Variants in TRIM77 observed in about 807,000 individuals in gnomAD.
TRIM77 encodes tripartite motif-containing protein 77.
A neutral mutation model predicts 31.8 loss-of-function variants in TRIM77; 23 were observed. That is an observed-to-expected ratio of 0.72 (90% confidence interval 0.52 to 1.02). The LOEUF (loss-of-function observed/expected upper bound fraction) is 1.02. TRIM77 is among the 50% of genes least tolerant of loss of function. TRIM77 has a pLI of 0.00. For missense variants in TRIM77, 446 were observed against 539.2 expected (o/e 0.83, Z 1.71); for synonymous variants, 159 against 183.1 (o/e 0.87, Z 1.06).
At chr11:89,714,525 A>G in intron 3 of TRIM77, 103 bp downstream of exon 3, 1 of 845,860 alleles carries the variant, frequency 1.2e-6, no homozygotes, top group Non-Finnish European at 1.8e-6. Flanking sequence ...TCCGGTTCCA[A>G]ATATTCAGAT....
intron 4 of TRIM77, 49 bp downstream of exon 4, chr11:89,715,229 GCTGTTTCTGCTGGGATCGA>G: frequency 6.6e-7 from 1 of 1,516,762 alleles, no homozygotes; most frequent in South Asian, 1.2e-5. Context: ...CAATAATCAG[GCTGTTTCTGCTGGGATCGA>G]CCCACACTTT....
At chr11:89,714,499 T>C in intron 3 of TRIM77, 77 bp downstream of exon 3, 1 of 1,014,938 alleles carries the variant, frequency 9.9e-7, no homozygotes, top group Non-Finnish European at 1.4e-6. Flanking sequence ...ATATCCTTTT[T>C]GATCTATATT....
At chr11:89,712,384 A>C (rs1476680248) in intron 2 of TRIM77, among the ~76,000 whole-genome samples, 2 of 152,180 alleles carry the variant, frequency 1.3e-5, no homozygotes, top group Non-Finnish European at 2.9e-5. Context: ...AAAAGAAGAA[A>C]TAGATCGCTT....
rs1239209077 is a variant in TRIM77 at position 89,710,973 on chromosome 11, G to A, written c.411+264G>A. On this transcript the variant is annotated intron_variant, in intron 1 of 5. Transcript: ENST00000398290. ...AAAGTTGATGAGCATTAGGGTTCTG[G>A]TATTTCAGTGTAAGAAGCTCTATAT... Among the ~76,000 whole-genome samples the A allele has an allele frequency of 2.0e-5, 3 of 152,186 alleles. No homozygotes were observed. The South Asian group carries it at 6.2e-4, about 32-fold the overall frequency.
At chr11:89,711,307 T>A (rs1045184014) in intron 1 of TRIM77, 103 bp from the exon 2 acceptor site, 1 of 589,052 alleles carries the variant, frequency 1.7e-6, no homozygotes, top group African/African-American at 2.0e-5. Flanking sequence ...CATGTCTGCA[T>A]TCTGCACTCT....
At chr11:89,711,356 G>A (rs1287451940) in intron 1 of TRIM77, 54 bp from the exon 2 acceptor site, 1 of 926,904 alleles carries the variant, frequency 1.1e-6, no homozygotes, top group African/African-American at 1.7e-5. Flanking sequence ...GGTAGTATCT[G>A]AAATATACTA....
chr11:89,716,546 G>A (rs566580736), intron 5 of TRIM77, among the ~76,000 whole-genome samples: 7 of 152,172 alleles, frequency 4.6e-5, no homozygotes, highest in Non-Finnish European at 2.9e-5. Context: ...GAAATGGAGG[G>A]TGAGTCTGGC....
chr11:89,714,211 G>A lies in TRIM77; in HGVS notation c.527G>A (p.Ser176Asn), dbSNP rs546864192. The A allele has an allele frequency of 6.5e-7, 1 of 1,549,314 alleles. No individual in the cohort carries two copies. The highest frequency in any genetic ancestry group is 1.4e-5 in the African/African-American group (1 of 73,006). ...CTACAGGTTTTTATAAATTTGCGGAGCATGATGATCAGTGCTGAATATCCT... is the reference window on the plus strand; with the variant it reads ...CTACAGGTTTTTATAAATTTGCGGAACATGATGATCAGTGCTGAATATCCT... Reference protein sequence around the residue: ...GTWEVFINLRSMMISAEYPKV... With the variant: ...GTWEVFINLRNMMISAEYPKV... The change falls in exon 3 of 6, where the codon AGC becomes AAC. Residue 176 changes from serine to asparagine, a missense_variant. This residue lies in a region of TRIM77 where 366 missense variants were observed against 447.9 expected (regional missense o/e 0.82). Coordinates refer to ENST00000398290, the MANE Select transcript of TRIM77 (RefSeq NM_001146162.1).
rs1379413656 is a variant in TRIM77, at chr11:89,717,388, C to T, written c.869C>T (p.Thr290Ile). 7.1e-6 allele frequency: 11 copies of T among 1,548,880 alleles called. No individual in the cohort carries two copies. The Admixed American group carries it at 2.0e-4, about 28-fold the overall frequency. The change falls in exon 6 of 6, where the codon ACC becomes ATC. Residue 290 changes from threonine (T) to isoleucine (I), a missense_variant. This residue lies in a region of TRIM77 where 366 missense variants were observed against 447.9 expected (regional missense o/e 0.82). Coordinates refer to ENST00000398290, the MANE Select transcript of TRIM77 (RefSeq NM_001146162.1). ...TTTTCTTTTGCCATAGTGTATATCACCTTGGATCGTAAGATATGCAGTAAT... is the reference window on the plus strand; with the variant it reads ...TTTTCTTTTGCCATAGTGTATATCATCTTGGATCGTAAGATATGCAGTAAT... ...ERLNFFRVYI[T>I]LDRKICSNHK... is the part of the protein sequence containing the mutation.
Position 89,710,687 on chromosome 11 carries a change from G to T in TRIM77, c.389G>T (p.Arg130Met), listed in dbSNP as rs1207675002. 19 of 1,546,228 alleles carry T rather than the reference G, an allele frequency of 1.2e-5. No homozygotes were observed. The highest frequency in any genetic ancestry group is 4.9e-5 in the East Asian group (2 of 40,856). The change falls in exon 1 of 6, where the codon AGG becomes ATG. Residue 130 changes from arginine to methionine, a missense_variant. Arg to Met is a moderately conservative substitution (Grantham distance 91). Transcript: ENST00000398290. The stretch of plus-strand genomic sequence containing the variant: ...GCTACTCACAAACACTATATGACAA[G>T]GGAGGCTGATGAATACTATAGGGTA... Reference protein sequence around the residue: ...RHATHKHYMTREADEYYRKKL... With the variant: ...RHATHKHYMTMEADEYYRKKL...
chr11:89,717,651 C>A lies in TRIM77; in HGVS notation c.1132C>A (p.Leu378Ile). The change falls in exon 6 of 6, where the codon CTC (leucine) becomes ATC (isoleucine). Residue 378 changes from leucine (L) to isoleucine (I), a missense_variant. By Grantham distance (5) the Leu-to-Ile change is conservative. Coordinates refer to ENST00000398290, the MANE Select transcript of TRIM77 (RefSeq NM_001146162.1). ...ACTTGACTCTGAGGGTATCTTTCTA[C>A]TCCTGTGTCTCAAAGTGGATGACCA... ...MRLDSEGIFLLLCLKVDDHFS... is the reference protein window; with the variant it reads ...MRLDSEGIFLILCLKVDDHFS... 1 of 1,551,278 alleles carries A rather than the reference C, an allele frequency of 6.4e-7. No individual in the cohort carries two copies. The highest frequency in any genetic ancestry group is 8.7e-7 in the Non-Finnish European group (1 of 1,146,718).
chr11:89,713,350 A>G (rs1194242742), intron 2 of TRIM77, among the ~76,000 whole-genome samples: 1 of 149,416 alleles, frequency 6.7e-6, no homozygotes, highest in Admixed American at 6.7e-5. Flanking sequence ...CAGCTACTCA[A>G]GAGGCTGAGG....
At chr11:89,716,310 T>C (rs1454791378) in intron 5 of TRIM77, among the ~76,000 whole-genome samples, 1 of 152,184 alleles carries the variant, frequency 6.6e-6, no homozygotes, top group Non-Finnish European at 1.5e-5. Context: ...AACTGCATAT[T>C]CATTCAAAGC....
At chr11:89,711,983 C>T (rs556685871) in intron 2 of TRIM77, among the ~76,000 whole-genome samples, 7 of 152,208 alleles carry the variant, frequency 4.6e-5, no homozygotes, top group Admixed American at 2.6e-4. Flanking sequence ...GTGAGTAACT[C>T]CTCTTGATTA....
intron 2 of TRIM77, among the ~76,000 whole-genome samples, chr11:89,713,978 T>C (rs962332520): frequency 1.3e-5 from 2 of 151,940 alleles, no homozygotes; most frequent in African/African-American, 4.8e-5. Flanking sequence ...AAAATGTAAA[T>C]ATGGAGGTTT....
At chr11:89,717,160 A>C (rs1175226565) in intron 5 of TRIM77, among the ~76,000 whole-genome samples, 1 of 152,118 alleles carries the variant, frequency 6.6e-6, no homozygotes, top group African/African-American at 2.4e-5. Context: ...CATGAGAGCA[A>C]ATTGTTAAAT....
Position 89,717,759 on chromosome 11 carries a change from G to C in TRIM77, c.1240G>C (p.Glu414Gln). ...QGWLGVFLDY[E>Q]CGIVSFVNVA... The stretch of plus-strand genomic sequence containing the variant: ...CTGGCTAGGGGTGTTCCTGGATTAT[G>C]AATGTGGGATAGTGAGCTTTGTTAA... The change falls in exon 6 of 6, where the codon GAA becomes CAA. Residue 414 changes from glutamate to glutamine, a missense_variant. Physicochemically the swap from Glu to Gln is conservative, Grantham distance 29 (BLOSUM62 2). Transcript: ENST00000398290. 1 of 1,551,276 alleles carries C rather than the reference G, an allele frequency of 6.4e-7. No homozygotes were observed. Among genetic ancestry groups the C allele is most frequent in the African/African-American group, 1.4e-5 (1 of 73,138 alleles).
intron 2 of TRIM77, among the ~76,000 whole-genome samples, chr11:89,713,447 C>G (rs1432541101): frequency 2.5e-5 from 3 of 122,122 alleles, no homozygotes; most frequent in Non-Finnish European, 4.9e-5. Context: ...CAAACTGAGA[C>G]CTTGTCTCAA....
chr11:89,716,465 A>G (rs551552861), intron 5 of TRIM77, among the ~76,000 whole-genome samples: 11 of 152,194 alleles, frequency 7.2e-5, no homozygotes, highest in Non-Finnish European at 1.0e-4. Flanking sequence ...AAGTTTGTAA[A>G]CAATAGGTAC....
Sources: allele counts gnomAD v4.1 joint callset (sites outside exome capture counted in the v4.1 genomes callset), GRCh38; gene constraint gnomAD v4.1.1; regional missense constraint gnomAD v4.1.1; transcripts MANE v1.5; gene names NCBI Gene and HGNC (gene_info 2026-07-23, HGNC 2026-07-21).